The following SYNDIG1 variants were observed in gnomAD, a reference collection of about 807,000 sequenced individuals.
SYNDIG1 encodes synapse differentiation inducing 1, also known as synapse differentiation-inducing gene protein 1.
A neutral mutation model predicts 19.4 loss-of-function variants in SYNDIG1; 9 were observed. That is an observed-to-expected ratio of 0.46 (90% CI 0.28 to 0.81). The LOEUF (loss-of-function observed/expected upper bound fraction) is 0.81, where lower values mean the gene tolerates loss of function less well. SYNDIG1 is among the 30% of genes least tolerant of loss of function. SYNDIG1 has a pLI of 0.12. For missense variants in SYNDIG1, 311 were observed against 343.3 expected (o/e 0.91, Z 0.74); for synonymous variants, 141 against 145.9 (o/e 0.97, Z 0.24).
chr20:24,631,549 G>T (rs941918993), intron 3 of SYNDIG1, among the ~76,000 whole-genome samples: 3 of 152,182 alleles, frequency 2.0e-5, no homozygotes, highest in African/African-American at 7.2e-5. Context: ...AAAAAGGTGA[G>T]ATTTTTATAT....
chr20:24,643,105 G>A (rs754479346), intron 3 of SYNDIG1, among the ~76,000 whole-genome samples: 9 of 152,056 alleles, frequency 5.9e-5, no homozygotes, highest in Non-Finnish European at 1.2e-4. Context: ...ATCTGTATCT[G>A]TATTAAGCTA....
intron 2 of SYNDIG1, among the ~76,000 whole-genome samples, chr20:24,545,440 G>A (rs1191069974): frequency 1.3e-5 from 2 of 152,046 alleles, no homozygotes; most frequent in Non-Finnish European, 2.9e-5. Flanking sequence ...CGTAAATGCT[G>A]CCCGACTCGC....
intron 1 of SYNDIG1, among the ~76,000 whole-genome samples, chr20:24,519,826 C>T (rs184789654): frequency 2.2e-4 from 34 of 151,954 alleles, no homozygotes; most frequent in African/African-American, 4.3e-4. Flanking sequence ...GACACACGCA[C>T]GCACGCGCAC....
intron 3 of SYNDIG1, among the ~76,000 whole-genome samples, chr20:24,591,077 T>A (rs560477943): frequency 1.0e-5 from 1 of 99,232 alleles, no homozygotes; most frequent in African/African-American, 4.3e-5. Context: ...TATTTACACC[T>A]TCGTGTGTGT....
intron 3 of SYNDIG1, among the ~76,000 whole-genome samples, chr20:24,654,659 A>G (rs925300063): frequency 5.8e-5 from 8 of 137,812 alleles, no homozygotes; most frequent in African/African-American, 2.3e-4. Context: ...GGAGGAAGGA[A>G]GGAAGGAAGG....
intron 2 of SYNDIG1, among the ~76,000 whole-genome samples, chr20:24,567,027 A>T (rs1176276233): frequency 6.6e-6 from 1 of 152,162 alleles, no homozygotes; most frequent in Non-Finnish European, 1.5e-5. Flanking sequence ...CTCCTTATGG[A>T]AGCCCCAAGA....
intron 2 of SYNDIG1, among the ~76,000 whole-genome samples, chr20:24,559,765 G>GT (rs1271111314): frequency 3.3e-5 from 5 of 152,068 alleles, no homozygotes; most frequent in Non-Finnish European, 7.4e-5. Flanking sequence ...TCGTTTGGAA[G>GT]TTTTTTTCAC....
chr20:24,514,901 A>G (rs2056829332), intron 1 of SYNDIG1, among the ~76,000 whole-genome samples: 1 of 152,236 alleles, frequency 6.6e-6, no homozygotes, highest in Admixed American at 6.5e-5. Flanking sequence ...CAAATGTAAA[A>G]GAACAGAAAT....
intron 3 of SYNDIG1, among the ~76,000 whole-genome samples, chr20:24,655,796 A>G (rs1186583019): frequency 6.6e-6 from 1 of 151,148 alleles, no homozygotes; most frequent in East Asian, 1.9e-4. Context: ...AAAAAAGACT[A>G]GAATGTTCAT....
intron 3 of SYNDIG1, among the ~76,000 whole-genome samples, chr20:24,590,070 T>C (rs894518793): frequency 2.6e-5 from 4 of 152,236 alleles, no homozygotes; most frequent in African/African-American, 9.6e-5. Context: ...TTTTACTCAC[T>C]GGCTATTAGC....
At position 24,662,065 on chromosome 20, in the gene SYNDIG1, A is replaced by G. The variant is rs529616344; in HGVS notation, c.619-3281A>G. Among the ~76,000 whole-genome samples the G allele has an allele frequency of 1.1e-4, 17 of 152,226 alleles. No homozygotes were observed. The East Asian group carries it at 3.3e-3, about 30-fold the overall frequency. ...AACAGCTCTCGGTCCTTTGACAGCCAGTTCCTTTGACTTGGCCACTTGATA... is the reference window on the plus strand; with the variant it reads ...AACAGCTCTCGGTCCTTTGACAGCCGGTTCCTTTGACTTGGCCACTTGATA... On this transcript the variant is annotated intron_variant, in intron 3 of 3. Coordinates refer to ENST00000376862, the MANE Select transcript of SYNDIG1 (RefSeq NM_024893.3).
chr20:24,536,924 C>A (rs1031443854), intron 1 of SYNDIG1, among the ~76,000 whole-genome samples: 4 of 152,198 alleles, frequency 2.6e-5, no homozygotes, highest in Admixed American at 2.0e-4. Flanking sequence ...CTTCTTACTG[C>A]CCAAAAGCAC....
At chr20:24,556,644 T>A (rs1170810920) in intron 2 of SYNDIG1, among the ~76,000 whole-genome samples, 1 of 152,238 alleles carries the variant, frequency 6.6e-6, no homozygotes, top group Non-Finnish European at 1.5e-5. Context: ...CCCGCTGTCT[T>A]CTGGCTTGTA....
chr20:24,487,269 TAAA>T (rs1287404823), intron 1 of SYNDIG1, among the ~76,000 whole-genome samples: 1 of 152,158 alleles, frequency 6.6e-6, no homozygotes, highest in African/African-American at 2.4e-5. Context: ...AACAATATAA[TAAA>T]AAACAAATTT....
At chr20:24,661,826 C>G (rs73347239) in intron 3 of SYNDIG1, among the ~76,000 whole-genome samples, 1,877 of 152,224 alleles carry the variant, frequency 0.012, 55 homozygotes, top group African/African-American at 0.043. Context: ...TCCCAGACCT[C>G]TCTGCCACCT....
At chr20:24,488,484 A>G (rs369273204) in intron 1 of SYNDIG1, among the ~76,000 whole-genome samples, 45 of 152,224 alleles carry the variant, frequency 3.0e-4, no homozygotes, top group African/African-American at 9.2e-4. Flanking sequence ...CCAGCTGGAC[A>G]AGCCCCAGAG....
intron 3 of SYNDIG1, among the ~76,000 whole-genome samples, chr20:24,637,055 C>T (rs1316223977): frequency 6.6e-6 from 1 of 152,226 alleles, no homozygotes; most frequent in Non-Finnish European, 1.5e-5. Context: ...GGGGATCCTG[C>T]AAGGCAGTTC....
At chr20:24,511,271 A>G (rs1190326009) in intron 1 of SYNDIG1, among the ~76,000 whole-genome samples, 3 of 152,212 alleles carry the variant, frequency 2.0e-5, no homozygotes, top group East Asian at 1.9e-4. Flanking sequence ...ATGCAGTACC[A>G]GGTACCCCTC....
intron 1 of SYNDIG1, among the ~76,000 whole-genome samples, chr20:24,510,306 C>T (rs370044749): frequency 1.3e-5 from 2 of 151,992 alleles, no homozygotes; most frequent in South Asian, 2.1e-4. Context: ...CAGTGACTCA[C>T]GCCTGTAATC....
Sources: allele counts gnomAD v4.1 joint callset (sites outside exome capture counted in the v4.1 genomes callset), GRCh38; gene constraint gnomAD v4.1.1; transcripts MANE v1.5; gene names NCBI Gene and HGNC (gene_info 2026-07-23, HGNC 2026-07-21).